The following AUTS2 variants were observed in gnomAD, a reference collection of about 807,000 sequenced individuals.
AUTS2 encodes the protein autism susceptibility gene 2 protein.
Under a neutral mutation model 112.4 loss-of-function variants are expected in AUTS2, and 17 were observed. That is an observed-to-expected ratio of 0.15 (90% confidence interval 0.10 to 0.23). The LOEUF (loss-of-function observed/expected upper bound fraction) is 0.23. Ranked by LOEUF, AUTS2 falls within the 10% of genes least tolerant of loss-of-function variation. The probability of loss-of-function intolerance (pLI) is 1.00; values close to 1 mark genes in which losing one functional copy is unlikely to be tolerated. For synonymous variants in AUTS2, 751 were observed against 702.7 expected (o/e 1.07, Z -1.09); for missense variants, 1,510 against 1,701.6 (o/e 0.89, Z 1.98).
intron 5 of AUTS2, among the ~76,000 whole-genome samples, chr7:70,523,127 G>A (rs1799708166): frequency 6.6e-6 from 1 of 152,120 alleles, no homozygotes; most frequent in Non-Finnish European, 1.5e-5. Context: ...ATTTTTTATG[G>A]CTGCTTCTGG....
intron 1 of AUTS2, among the ~76,000 whole-genome samples, chr7:69,616,891 A>C (rs968043225): frequency 1.3e-5 from 2 of 152,116 alleles, no homozygotes; most frequent in African/African-American, 4.8e-5. Flanking sequence ...GAGAAGAAAA[A>C]AGTGTCTGGA....
At chr7:70,567,402 C>G (rs1165820579) in intron 5 of AUTS2, among the ~76,000 whole-genome samples, 1 of 152,150 alleles carries the variant, frequency 6.6e-6, no homozygotes, top group Non-Finnish European at 1.5e-5. Context: ...ATTGAGAGTG[C>G]CCAGACCTGG....
intron 4 of AUTS2, among the ~76,000 whole-genome samples, chr7:70,169,560 T>G (rs1808563973): frequency 6.6e-6 from 1 of 152,162 alleles, no homozygotes; most frequent in Admixed American, 6.5e-5. Flanking sequence ...TTAAAAACAA[T>G]TGTGACCATG....
chr7:70,375,020 C>T lies in AUTS2; in HGVS notation c.661-60732C>T, dbSNP rs962517383. On this transcript the variant is annotated intron_variant, in intron 4 of 18. Coordinates refer to ENST00000342771, the MANE Select transcript of AUTS2 (RefSeq NM_015570.4). ...TTACCTGCTCCTCCTAGGAGTGCCCCGATGCTCCCTGCACCTTTGTTCAGC... is the reference window on the plus strand; with the variant it reads ...TTACCTGCTCCTCCTAGGAGTGCCCTGATGCTCCCTGCACCTTTGTTCAGC... Among the ~76,000 whole-genome samples the T allele has an allele frequency of 4.6e-5, 7 of 152,104 alleles. No individual in the cohort carries two copies. In the East Asian group the frequency reaches 9.7e-4, roughly 21 times the overall value.
chr7:70,070,726 C>T (rs1477544825), intron 2 of AUTS2, among the ~76,000 whole-genome samples: 2 of 150,756 alleles, frequency 1.3e-5, no homozygotes, highest in African/African-American at 4.9e-5. Context: ...ATTAGCCGAG[C>T]ATGGTTGTGG....
At chr7:70,753,155 A>G (rs1788974843) in intron 6 of AUTS2, among the ~76,000 whole-genome samples, 1 of 152,122 alleles carries the variant, frequency 6.6e-6, no homozygotes, top group African/African-American at 2.4e-5. Context: ...AATCTGCTCA[A>G]CTAGATGATA....
At chr7:69,724,113 G>A (rs537883201) in intron 1 of AUTS2, among the ~76,000 whole-genome samples, 1 of 152,270 alleles carries the variant, frequency 6.6e-6, no homozygotes, top group African/African-American at 2.4e-5. Flanking sequence ...CACCGAACTG[G>A]GAGAGAGTCA....
At chr7:70,213,649 A>C (rs190315114) in intron 4 of AUTS2, among the ~76,000 whole-genome samples, 1 of 152,210 alleles carries the variant, frequency 6.6e-6, no homozygotes, top group East Asian at 1.9e-4. Flanking sequence ...TAAATTAGGG[A>C]TAGGTATCAT....
intron 4 of AUTS2, among the ~76,000 whole-genome samples, chr7:70,387,279 TG>T (rs1793655890): frequency 6.6e-6 from 1 of 152,202 alleles, no homozygotes; most frequent in Admixed American, 6.6e-5. Flanking sequence ...TTGTAGTTCA[TG>T]GCATCAAGCC....
At chr7:70,262,420 C>T (rs1787214601) in intron 4 of AUTS2, among the ~76,000 whole-genome samples, 1 of 152,154 alleles carries the variant, frequency 6.6e-6, no homozygotes, top group South Asian at 2.1e-4. Flanking sequence ...AAACTCCTGA[C>T]GTCAAGTGAT....
intron 2 of AUTS2, among the ~76,000 whole-genome samples, chr7:69,927,500 G>A (rs1046554739): frequency 9.9e-5 from 15 of 152,080 alleles, no homozygotes; most frequent in South Asian, 2.1e-4. Context: ...GTGTCACTTC[G>A]TCAGCCAGAA....
rs1795570153 is a variant in AUTS2, at chr7:70,429,618, T to TGGACCACA, written c.661-6133_661-6132insGACCACAG. Among the ~76,000 whole-genome samples, 3 of 152,340 alleles carry TGGACCACA rather than the reference T, an allele frequency of 2.0e-5. No homozygotes were observed. In the South Asian group the frequency reaches 6.2e-4, roughly 32 times the overall value. On this transcript the variant is annotated intron_variant, in intron 4 of 18. Transcript: ENST00000342771. ...AACCAGGGCCGGACCACAAGCTGTT[T>TGGACCACA]GCAACCAACCTGCTGTGAGATTAGT...
intron 4 of AUTS2, among the ~76,000 whole-genome samples, chr7:70,258,013 G>T (rs1786973056): frequency 6.6e-6 from 1 of 152,194 alleles, no homozygotes; most frequent in South Asian, 2.1e-4. Flanking sequence ...GTGTGTGACT[G>T]CTGCCCTGTT....
chr7:70,138,527 T>C (rs1265810103), intron 4 of AUTS2, among the ~76,000 whole-genome samples: 1 of 152,228 alleles, frequency 6.6e-6, no homozygotes, highest in Non-Finnish European at 1.5e-5. Context: ...GGTTTGAATC[T>C]AACTGTCTTA....
At chr7:70,660,193 G>GA (rs771797144) in intron 5 of AUTS2, among the ~76,000 whole-genome samples, 16 of 151,350 alleles carry the variant, frequency 1.1e-4, no homozygotes, top group Non-Finnish European at 5.9e-5. Flanking sequence ...AAAAAGAAAA[G>GA]AAAAAAAGGA....
chr7:70,640,442 A>AC (rs1554448410), intron 5 of AUTS2, among the ~76,000 whole-genome samples: 29 of 149,470 alleles, frequency 1.9e-4, no homozygotes, highest in South Asian at 6.4e-4. Context: ...AAAAAAAAAA[A>AC]CCATAAAAAA....
At chr7:70,730,151 G>T (rs892681938) in intron 6 of AUTS2, among the ~76,000 whole-genome samples, 1 of 151,826 alleles carries the variant, frequency 6.6e-6, no homozygotes, top group African/African-American at 2.4e-5. Context: ...CAAAGTGCTG[G>T]GATTACAGGT....
At chr7:69,915,438 T>C (rs1057116878) in intron 2 of AUTS2, among the ~76,000 whole-genome samples, 1 of 152,210 alleles carries the variant, frequency 6.6e-6, no homozygotes, top group Non-Finnish European at 1.5e-5. Context: ...CCTGGCGCAT[T>C]GGTTTTATGC....
chr7:70,692,140 T>C (rs1808788269), intron 5 of AUTS2, among the ~76,000 whole-genome samples: 1 of 152,104 alleles, frequency 6.6e-6, no homozygotes, highest in Non-Finnish European at 1.5e-5. Flanking sequence ...AGTGCTGGGA[T>C]TACAGACGTG....
Sources: allele counts gnomAD v4.1 joint callset (sites outside exome capture counted in the v4.1 genomes callset), GRCh38; gene constraint gnomAD v4.1.1; transcripts MANE v1.5; gene names NCBI Gene and HGNC (gene_info 2026-07-23, HGNC 2026-07-21).